CSMD1: variants seen among roughly 807,000 people sequenced by gnomAD.
The protein encoded by CSMD1 is CUB and sushi domain-containing protein 1.
A neutral mutation model predicts 417.5 loss-of-function variants in CSMD1; 213 were observed. The observed-to-expected ratio is 0.51, with a 90% CI of 0.46 to 0.57. The LOEUF (loss-of-function observed/expected upper bound fraction) is 0.57, where lower values mean the gene tolerates loss of function less well. CSMD1 is among the 20% of genes least tolerant of loss of function. The pLI is 0.00. For missense variants in CSMD1, 6,923 were observed against 4,529.7 expected, an observed-to-expected ratio of 1.53 and a Z score of -15.17; for synonymous variants, 2,862 against 1,736.8, an observed-to-expected ratio of 1.65 and a Z score of -16.11.
intron 3 of CSMD1, among the ~76,000 whole-genome samples, chr8:4,115,247 G>C (rs1417056652): frequency 1.3e-5 from 2 of 152,182 alleles, no homozygotes; most frequent in East Asian, 3.8e-4. Context: ...GCTTCCAGTA[G>C]CAAAAAGATT....
At chr8:3,808,892 A>T (rs1800902908) in intron 5 of CSMD1, among the ~76,000 whole-genome samples, 1 of 152,148 alleles carries the variant, frequency 6.6e-6, no homozygotes, top group Admixed American at 6.6e-5. Flanking sequence ...CATATCAGGG[A>T]TTTTAAACTT....
In CSMD1 at chr8:3,998,048, G is replaced by A; in HGVS notation, c.673C>T (p.Pro225Ser). ...TSSSISSPHF[P>S]SEYENNADCT... ...TCCGCGTTGTTCTCGTACTCTGAAG[G>A]GAAGTGCGGGCTGGAGATGGAGCTG... Residue 225 changes from proline (P) to serine (S), a missense_variant, in exon 5 of 70, where the codon CCT (proline) becomes TCT (serine). Transcript: ENST00000635120. The A allele has an allele frequency of 6.3e-7, 1 of 1,599,614 alleles. No homozygotes were observed. Among genetic ancestry groups the A allele is most frequent in the Non-Finnish European group, 8.5e-7 (1 of 1,172,544 alleles).
chr8:4,146,785 G>A (rs549401743), intron 3 of CSMD1, among the ~76,000 whole-genome samples: 1 of 149,002 alleles, frequency 6.7e-6, no homozygotes, highest in East Asian at 2.0e-4. Flanking sequence ...CTAATTTTTT[G>A]TATTTTTAGT....
At chr8:4,818,437 G>T (rs765015641) in intron 1 of CSMD1, among the ~76,000 whole-genome samples, 1 of 152,070 alleles carries the variant, frequency 6.6e-6, no homozygotes, top group African/African-American at 2.4e-5. Flanking sequence ...CTGATTACAA[G>T]AGAGCTCAGT....
intron 10 of CSMD1, among the ~76,000 whole-genome samples, chr8:3,524,999 G>A (rs1427604969): frequency 2.0e-5 from 3 of 152,166 alleles, no homozygotes; most frequent in South Asian, 2.1e-4. Context: ...GATAATGTAT[G>A]TATCATCAAG....
At chr8:3,816,729 A>G (rs1801389414) in intron 5 of CSMD1, among the ~76,000 whole-genome samples, 1 of 152,220 alleles carries the variant, frequency 6.6e-6, no homozygotes, top group Admixed American at 6.5e-5. Flanking sequence ...GTATTTAATT[A>G]TGACCAGAAC....
chr8:4,908,918 C>T (rs1805482417), intron 1 of CSMD1, among the ~76,000 whole-genome samples: 1 of 152,178 alleles, frequency 6.6e-6, no homozygotes, highest in Non-Finnish European at 1.5e-5. Flanking sequence ...TCTCAAATCT[C>T]AGTCATTCCA....
intron 8 of CSMD1, among the ~76,000 whole-genome samples, chr8:3,594,455 C>T (rs993275409): frequency 1.3e-5 from 2 of 152,096 alleles, no homozygotes; most frequent in South Asian, 2.1e-4. Context: ...GATTAAAAAA[C>T]CACCACAGCA....
chr8:4,817,926 C>G (rs369626945), intron 1 of CSMD1, among the ~76,000 whole-genome samples: 14 of 152,274 alleles, frequency 9.2e-5, no homozygotes, highest in African/African-American at 3.4e-4. Flanking sequence ...TCTGCTCAAA[C>G]ATTATATTTT....
At chr8:4,032,222 A>G (rs1209428441) in intron 3 of CSMD1, 123 bp from the exon 4 acceptor site, 22 of 652,666 alleles carry the variant, frequency 3.4e-5, no homozygotes, top group Admixed American at 9.5e-5. Context: ...CATCAGAAAA[A>G]TATTAATTGT....
At chr8:3,870,973 A>G (rs187244253) in intron 5 of CSMD1, among the ~76,000 whole-genome samples, 12 of 151,050 alleles carry the variant, frequency 7.9e-5, no homozygotes, top group Non-Finnish European at 7.4e-5. Context: ...ATTCTTAAAT[A>G]TAAGTTAATT....
intron 3 of CSMD1, among the ~76,000 whole-genome samples, chr8:4,203,471 A>G (rs527814431): frequency 3.9e-5 from 6 of 152,196 alleles, no homozygotes; most frequent in Non-Finnish European, 7.3e-5. Context: ...TCTTTCTATA[A>G]TGAAGAAAAC....
chr8:4,141,304 G>A (rs1363674774), intron 3 of CSMD1, among the ~76,000 whole-genome samples: 1 of 151,116 alleles, frequency 6.6e-6, no homozygotes, highest in Non-Finnish European at 1.5e-5. Flanking sequence ...TAATTCCCAA[G>A]ATGGAAATTA....
chr8:3,712,398 GAGAC>G (rs71203463), intron 6 of CSMD1, among the ~76,000 whole-genome samples: 229 of 28,922 alleles, frequency 7.9e-3, no homozygotes, highest in African/African-American at 0.015. Context: ...GAGAGAGAGA[GAGAC>G]AGACAGACAG....
intron 2 of CSMD1, among the ~76,000 whole-genome samples, chr8:4,549,610 C>T (rs1055828916): frequency 6.6e-6 from 1 of 152,036 alleles, no homozygotes; most frequent in East Asian, 1.9e-4. Flanking sequence ...CATGAATGGC[C>T]GGGCGCGGTG....
At chr8:3,803,833 A>T (rs1443486065) in intron 5 of CSMD1, among the ~76,000 whole-genome samples, 6 of 152,176 alleles carry the variant, frequency 3.9e-5, no homozygotes, top group Non-Finnish European at 5.9e-5. Context: ...TAGACACCTT[A>T]ATAAACATGG....
chr8:4,992,742 G>A (rs1811539825), intron 1 of CSMD1, among the ~76,000 whole-genome samples: 1 of 152,258 alleles, frequency 6.6e-6, no homozygotes, highest in South Asian at 2.1e-4. Flanking sequence ...CTCCGCAGCC[G>A]GCAATGTCAG....
At chr8:4,640,029 T>C (rs541759537) in intron 1 of CSMD1, among the ~76,000 whole-genome samples, 124 of 152,198 alleles carry the variant, frequency 8.1e-4, no homozygotes, top group African/African-American at 2.9e-3. Context: ...TGATTATAAA[T>C]TGGAAAAAAG....
intron 2 of CSMD1, among the ~76,000 whole-genome samples, chr8:4,610,241 T>C (rs949385187): frequency 2.0e-4 from 30 of 152,158 alleles, no homozygotes; most frequent in Non-Finnish European, 3.5e-4. Flanking sequence ...GACTAAATCC[T>C]TCATAGAGAT....
Sources: gnomAD v4.1 joint callset for allele counts (sites outside exome capture counted in the v4.1 genomes callset) on GRCh38, gnomAD v4.1.1 for gene constraint, MANE v1.5 for transcripts, NCBI Gene and HGNC (gene_info 2026-07-23, HGNC 2026-07-21) for gene names.